Variants in KIAA1958 observed in about 807,000 individuals in gnomAD.
The protein encoded by KIAA1958 is uncharacterized protein KIAA1958.
A neutral mutation model predicts 47.2 loss-of-function variants in KIAA1958; 14 were observed. That is an observed-to-expected ratio of 0.30 (90% confidence interval 0.20 to 0.46). KIAA1958 has a LOEUF of 0.46. Ranked by LOEUF, KIAA1958 falls within the 20% of genes least tolerant of loss-of-function variation. The pLI, the probability that KIAA1958 is intolerant of heterozygous loss-of-function variation, is 1.00. For synonymous variants in KIAA1958, 354 were observed against 353.3 expected (o/e 1.00, Z -0.02); for missense variants, 803 against 909.2 (o/e 0.88, Z 1.50).
At chr9:112,550,698 A>C (rs778380232) in intron 1 of KIAA1958, among the ~76,000 whole-genome samples, 1 of 152,234 alleles carries the variant, frequency 6.6e-6, no homozygotes, top group African/African-American at 2.4e-5. Context: ...ACGACAATGC[A>C]TGACAAAACA....
At chr9:112,594,620 A>G (rs1039888748) in intron 2 of KIAA1958, among the ~76,000 whole-genome samples, 1 of 152,238 alleles carries the variant, frequency 6.6e-6, no homozygotes, top group Non-Finnish European at 1.5e-5. Flanking sequence ...TTGTTTATCC[A>G]TTCAGGAAGT....
At chr9:112,496,434 GA>G (rs1431313761) in intron 1 of KIAA1958, among the ~76,000 whole-genome samples, 1 of 152,220 alleles carries the variant, frequency 6.6e-6, no homozygotes, top group Non-Finnish European at 1.5e-5. Flanking sequence ...TGAGAATAGA[GA>G]AAGTAGAGGC....
At chr9:112,609,449 T>A (rs1836287419) in intron 2 of KIAA1958, among the ~76,000 whole-genome samples, 1 of 152,128 alleles carries the variant, frequency 6.6e-6, no homozygotes, top group African/African-American at 2.4e-5. Context: ...CTGTAAAAAA[T>A]TTTAAGGTGA....
intron 1 of KIAA1958, among the ~76,000 whole-genome samples, chr9:112,522,769 G>A (rs1415934473): frequency 6.6e-6 from 1 of 152,202 alleles, no homozygotes; most frequent in Non-Finnish European, 1.5e-5. Context: ...AGCTGGGCAA[G>A]ATGAATGTTC....
intron 1 of KIAA1958, among the ~76,000 whole-genome samples, chr9:112,525,762 G>A (rs748547973): frequency 2.6e-5 from 4 of 151,384 alleles, no homozygotes; most frequent in Admixed American, 6.6e-5. Context: ...TATTGTTACT[G>A]TTTTGCATAC....
In KIAA1958 at chr9:112,550,592, A is replaced by G. The variant is rs369903877; in HGVS notation, c.-24-23465A>G. Among the ~76,000 whole-genome samples the G allele has an allele frequency of 4.9e-4, 74 of 152,332 alleles. 1 individual carries two copies. The South Asian group carries it at 0.011, about 23-fold the overall frequency. On this transcript the variant is annotated intron_variant, in intron 1 of 3. Coordinates refer to ENST00000337530, the MANE Select transcript of KIAA1958 (RefSeq NM_133465.4). ...CAGCGAAAGAATACAGATTAAAATC[A>G]GTGCAGGGAAAAGGCAGACGGATGA...
chr9:112,581,959 C>G, intron 2 of KIAA1958: 1 of 251,440 alleles, frequency 4.0e-6, no homozygotes, highest in East Asian at 1.0e-4. Flanking sequence ...TTGTTGCCAC[C>G]TTTCCCCACT....
At chr9:112,579,005 G>A (rs1835694366) in intron 2 of KIAA1958, among the ~76,000 whole-genome samples, 1 of 151,434 alleles carries the variant, frequency 6.6e-6, no homozygotes, top group South Asian at 2.1e-4. Flanking sequence ...TTGCCTATCA[G>A]ATTTGTATGT....
intron 2 of KIAA1958, among the ~76,000 whole-genome samples, chr9:112,630,176 A>G (rs1384260460): frequency 6.6e-6 from 1 of 152,218 alleles, no homozygotes; most frequent in Non-Finnish European, 1.5e-5. Flanking sequence ...TAAAGGATCT[A>G]CAGTTGAATT....
chr9:112,524,848 C>T (rs115419823), intron 1 of KIAA1958, among the ~76,000 whole-genome samples: 9 of 152,316 alleles, frequency 5.9e-5, no homozygotes, highest in African/African-American at 2.2e-4. Flanking sequence ...GTTCACAGCG[C>T]CCTGATGCTT....
At position 112,589,647 on chromosome 9, in the gene KIAA1958, A is replaced by G. The variant is rs536722379; in HGVS notation, c.1171+14396A>G. Among the ~76,000 whole-genome samples, 6 of 152,316 alleles carry G rather than the reference A, an allele frequency of 3.9e-5. No homozygotes were observed. In the East Asian group the frequency reaches 1.2e-3, roughly 29 times the overall value. ...CTGCTGCAGTTGTGTAAATAGGTTT[A>G]TGTCCTACTAGGCCTGAAAGTAGGA... On this transcript the variant is annotated intron_variant, in intron 2 of 3. Coordinates refer to ENST00000337530, the MANE Select transcript of KIAA1958 (RefSeq NM_133465.4).
At chr9:112,585,107 A>G (rs1301638069) in intron 2 of KIAA1958, among the ~76,000 whole-genome samples, 6 of 152,278 alleles carry the variant, frequency 3.9e-5, no homozygotes, top group Admixed American at 1.3e-4. Flanking sequence ...TCTTTTTTCT[A>G]TTAAGTATCT....
chr9:112,600,588 G>A (rs937241897), intron 2 of KIAA1958, among the ~76,000 whole-genome samples: 3 of 152,102 alleles, frequency 2.0e-5, no homozygotes, highest in African/African-American at 7.2e-5. Flanking sequence ...TGGAATGGAC[G>A]GTCTCCTAAA....
At chr9:112,517,730 ACT>A (rs564461862) in intron 1 of KIAA1958, among the ~76,000 whole-genome samples, 38 of 152,230 alleles carry the variant, frequency 2.5e-4, no homozygotes, top group Non-Finnish European at 4.0e-4. Context: ...AACTCTTAAA[ACT>A]CTGTACTAAA....
rs1034067866 is a variant in KIAA1958, at chr9:112,550,233, A to C, written c.-24-23824A>C. On this transcript the variant is annotated intron_variant, in intron 1 of 3. Coordinates refer to ENST00000337530, the MANE Select transcript of KIAA1958 (RefSeq NM_133465.4). ...TGATAAGTAACTAGTAACCATTCTG[A>C]GTGTATCTGCAGACACTAATGGTAA... 2.6e-4 allele frequency among the ~76,000 whole-genome samples: 39 copies of C among 150,976 alleles called. 1 individual carries two copies. The highest frequency in any genetic ancestry group is 9.4e-4 in the African/African-American group (38 of 40,346).
intron 3 of KIAA1958, among the ~76,000 whole-genome samples, chr9:112,654,087 T>G (rs1270725599): frequency 6.6e-6 from 1 of 152,106 alleles, no homozygotes; most frequent in Non-Finnish European, 1.5e-5. Flanking sequence ...CCAAAGGGTG[T>G]GTGTACAGGG....
intron 2 of KIAA1958, among the ~76,000 whole-genome samples, chr9:112,607,879 T>G (rs532217081): frequency 7.9e-5 from 12 of 152,176 alleles, no homozygotes; most frequent in Admixed American, 6.5e-5. Context: ...ATGTTCGGGC[T>G]TGGGGGAGAA....
At chr9:112,498,762 C>T (rs1834085769) in intron 1 of KIAA1958, among the ~76,000 whole-genome samples, 1 of 152,182 alleles carries the variant, frequency 6.6e-6, no homozygotes, top group South Asian at 2.1e-4. Context: ...ATTCAAAATC[C>T]TCTCTTCTGG....
chr9:112,539,183 TC>T (rs994261541), intron 1 of KIAA1958, among the ~76,000 whole-genome samples: 10 of 152,220 alleles, frequency 6.6e-5, no homozygotes, highest in Admixed American at 1.3e-4. Flanking sequence ...ACACAGCAGT[TC>T]AGCTCCTAGG....
Sources: gnomAD v4.1 joint callset for allele counts (sites outside exome capture counted in the v4.1 genomes callset) on GRCh38, gnomAD v4.1.1 for gene constraint, MANE v1.5 for transcripts, NCBI Gene and HGNC (gene_info 2026-07-23, HGNC 2026-07-21) for gene names.